Variants in CNTN5 observed in about 807,000 individuals in gnomAD.
The protein encoded by CNTN5 is contactin-5.
CNTN5 carries 77 observed loss-of-function variants against 129.1 expected under a neutral mutation model. That is an observed-to-expected ratio of 0.60 (90% CI 0.50 to 0.72). CNTN5 has a LOEUF of 0.72. Ranked by LOEUF, CNTN5 falls within the 30% of genes least tolerant of loss-of-function variation. CNTN5 has a pLI of 0.00. For missense variants in CNTN5, 1,478 were observed against 1,328.8 expected, an observed-to-expected ratio of 1.11 and a Z score of -1.75; for synonymous variants, 509 against 465.6, an observed-to-expected ratio of 1.09 and a Z score of -1.20.
At chr11:100,046,670 C>G (rs1488396939) in intron 9 of CNTN5, among the ~76,000 whole-genome samples, 1 of 151,870 alleles carries the variant, frequency 6.6e-6, no homozygotes, top group Non-Finnish European at 1.5e-5. Context: ...TATTATCAGA[C>G]TTTGGATTGT....
intron 2 of CNTN5, among the ~76,000 whole-genome samples, chr11:99,347,289 CAA>C (rs1263209131): frequency 6.6e-6 from 1 of 152,004 alleles, no homozygotes; most frequent in Non-Finnish European, 1.5e-5. Context: ...TATACTAGCA[CAA>C]AAAGATTATT....
intron 1 of CNTN5, among the ~76,000 whole-genome samples, chr11:99,253,067 T>A (rs1162533186): frequency 1.3e-5 from 2 of 152,034 alleles, no homozygotes; most frequent in South Asian, 2.1e-4. Context: ...AAATCTCACC[T>A]TGAATTGTAA....
At chr11:99,873,918 G>A (rs1177945741) in intron 6 of CNTN5, among the ~76,000 whole-genome samples, 1 of 152,068 alleles carries the variant, frequency 6.6e-6, no homozygotes, top group Non-Finnish European at 1.5e-5. Flanking sequence ...GCAGCAACAT[G>A]AATGGAGTTG....
At chr11:100,076,303 A>T (rs1412997804) in intron 13 of CNTN5, among the ~76,000 whole-genome samples, 1 of 152,148 alleles carries the variant, frequency 6.6e-6, no homozygotes, top group Non-Finnish European at 1.5e-5. Context: ...TCTGGGTGGC[A>T]TGTGAGTTTT....
intron 4 of CNTN5, among the ~76,000 whole-genome samples, chr11:99,828,151 C>G (rs1947027138): frequency 6.6e-6 from 1 of 152,024 alleles, no homozygotes; most frequent in African/African-American, 2.4e-5. Context: ...GAGATATGTA[C>G]AATGATTTTG....
At chr11:99,298,368 C>T (rs1347762483) in intron 1 of CNTN5, among the ~76,000 whole-genome samples, 1 of 152,158 alleles carries the variant, frequency 6.6e-6, no homozygotes, top group Non-Finnish European at 1.5e-5. Flanking sequence ...AGACTGATTA[C>T]AGCTTGGCTT....
intron 3 of CNTN5, among the ~76,000 whole-genome samples, chr11:99,684,275 T>A (rs894965627): frequency 2.6e-5 from 4 of 151,918 alleles, no homozygotes; most frequent in African/African-American, 9.7e-5. Flanking sequence ...TTTCTAGGTA[T>A]TCAGTGATTT....
At chr11:100,295,869 G>T (rs1451057629) in intron 18 of CNTN5, among the ~76,000 whole-genome samples, 4 of 151,254 alleles carry the variant, frequency 2.6e-5, no homozygotes. Context: ...TACCCATAAT[G>T]TTATTTAAAT....
chr11:100,020,127 G>A (rs193266781), intron 9 of CNTN5, among the ~76,000 whole-genome samples: 73 of 152,074 alleles, frequency 4.8e-4, no homozygotes, highest in Non-Finnish European at 2.9e-4. Flanking sequence ...TCAGGCAGAA[G>A]CTTTTTGGTT....
chr11:99,741,209 G>A (rs754780398), intron 3 of CNTN5, among the ~76,000 whole-genome samples: 5 of 152,032 alleles, frequency 3.3e-5, no homozygotes, highest in Non-Finnish European at 5.9e-5. Context: ...TAATTAGAAC[G>A]ACTAACAGTT....
At chr11:99,960,593 C>G (rs1483768792) in intron 8 of CNTN5, among the ~76,000 whole-genome samples, 2 of 151,830 alleles carry the variant, frequency 1.3e-5, no homozygotes, top group Non-Finnish European at 2.9e-5. Context: ...TAAATATAAC[C>G]TAAAGAAAAA....
In CNTN5 at chr11:100,172,787, G is replaced by A. The variant is rs547574486; in HGVS notation, c.1581-18339G>A. Among the ~76,000 whole-genome samples, 7 of 152,128 alleles carry A rather than the reference G, an allele frequency of 4.6e-5. No individual in the cohort carries two copies. In the South Asian group the frequency reaches 1.5e-3, roughly 32 times the overall value. On this transcript the variant is annotated intron_variant, in intron 13 of 24. Transcript: ENST00000524871. ...TGGGATTTTGAGATGGAATCAGAAA[G>A]GCAGAAAGAGGTTATGATTATGAGG...
intron 3 of CNTN5, among the ~76,000 whole-genome samples, chr11:99,648,615 C>T (rs913995823): frequency 2.6e-5 from 4 of 151,694 alleles, no homozygotes; most frequent in South Asian, 2.1e-4. Flanking sequence ...TCTCACCCTA[C>T]GTTTATTGCA....
intron 3 of CNTN5, among the ~76,000 whole-genome samples, chr11:99,766,078 G>A (rs755738129): frequency 5.3e-5 from 8 of 151,900 alleles, no homozygotes; most frequent in East Asian, 1.9e-4. Context: ...AAATAATATC[G>A]TACTTCCTAC....
chr11:99,731,959 A>C (rs1023206015), intron 3 of CNTN5, among the ~76,000 whole-genome samples: 5 of 152,234 alleles, frequency 3.3e-5, no homozygotes, highest in South Asian at 2.1e-4. Flanking sequence ...ATTGGTGTCC[A>C]TATTTAGATA....
At chr11:100,269,049 G>T (rs1448334269) in intron 17 of CNTN5, among the ~76,000 whole-genome samples, 1 of 152,138 alleles carries the variant, frequency 6.6e-6, no homozygotes, top group Non-Finnish European at 1.5e-5. Flanking sequence ...ATAAGAAAAT[G>T]GAAAACAGTA....
intron 1 of CNTN5, among the ~76,000 whole-genome samples, chr11:99,166,964 C>T (rs563372335): frequency 5.3e-4 from 80 of 152,062 alleles, no homozygotes; most frequent in African/African-American, 1.5e-3. Context: ...TTTTGTAAAG[C>T]GCAAGTGAAT....
chr11:99,296,928 T>C (rs1458512178), intron 1 of CNTN5, among the ~76,000 whole-genome samples: 2 of 151,972 alleles, frequency 1.3e-5, no homozygotes, highest in African/African-American at 4.8e-5. Flanking sequence ...CTAGACAAGG[T>C]TATGCAGATA....
chr11:99,520,042 T>A lies in CNTN5; in HGVS notation c.-70-36103T>A, dbSNP rs543378924. On this transcript the variant is annotated intron_variant, in intron 2 of 24. Coordinates refer to ENST00000524871, the MANE Select transcript of CNTN5 (RefSeq NM_014361.4). ...TGTGCTAGTTCACTGAACCAGAATA[T>A]TTAAATGTTTTTATATAGCATTTAT... Among the ~76,000 whole-genome samples, 50 of 152,272 alleles carry A rather than the reference T, an allele frequency of 3.3e-4. 1 individual carries two copies. Among genetic ancestry groups the A allele is most frequent in the African/African-American group, 1.2e-3 (48 of 41,576 alleles).
Sources: gnomAD v4.1 joint callset for allele counts (sites outside exome capture counted in the v4.1 genomes callset) on GRCh38, gnomAD v4.1.1 for gene constraint, MANE v1.5 for transcripts, NCBI Gene and HGNC (gene_info 2026-07-23, HGNC 2026-07-21) for gene names.